Variants in RGS6 observed in about 807,000 individuals in gnomAD.
The protein encoded by RGS6 is regulator of G protein signaling 6.
In RGS6, 30 loss-of-function variants were observed where a neutral mutation model predicts 78.5. The ratio of observed to expected loss-of-function variants is 0.38; its 90% confidence interval spans 0.29 to 0.52. RGS6 has a LOEUF of 0.52. Ranked by LOEUF, RGS6 falls within the 20% of genes least tolerant of loss-of-function variation. The pLI is 0.85. For synonymous variants in RGS6, 206 were observed against 206.0 expected (o/e 1.00, Z 0.00); for missense variants, 495 against 609.7 (o/e 0.81, Z 1.98).
chr14:72,058,474 T>C (rs1343154424), intron 2 of RGS6, among the ~76,000 whole-genome samples: 2 of 152,152 alleles, frequency 1.3e-5, no homozygotes, highest in Non-Finnish European at 2.9e-5. Flanking sequence ...ATTTATTCTT[T>C]ATAACAGCTT....
At chr14:72,073,031 T>C (rs543550457) in intron 2 of RGS6, among the ~76,000 whole-genome samples, 14 of 152,224 alleles carry the variant, frequency 9.2e-5, no homozygotes, top group Non-Finnish European at 1.6e-4. Context: ...GATTACTCGA[T>C]AGTCATTGAT....
intron 2 of RGS6, among the ~76,000 whole-genome samples, chr14:72,132,017 G>A (rs190489334): frequency 1.7e-3 from 259 of 152,242 alleles, no homozygotes; most frequent in African/African-American, 6.2e-3. Flanking sequence ...TCTCCTTTAA[G>A]ATTAGTCATT....
intron 2 of RGS6, among the ~76,000 whole-genome samples, chr14:72,093,428 A>G (rs942288168): frequency 5.3e-5 from 8 of 152,074 alleles, no homozygotes; most frequent in Non-Finnish European, 1.2e-4. Context: ...AAAATTTTCT[A>G]CATATGAGGT....
intron 6 of RGS6, among the ~76,000 whole-genome samples, chr14:72,463,657 G>A (rs947436527): frequency 6.6e-6 from 1 of 152,174 alleles, no homozygotes; most frequent in Non-Finnish European, 1.5e-5. Flanking sequence ...TTTACATTTG[G>A]CCAGTGCAAA....
intron 3 of RGS6, among the ~76,000 whole-genome samples, chr14:72,428,064 T>C (rs1169689351): frequency 6.6e-6 from 1 of 152,146 alleles, no homozygotes; most frequent in East Asian, 1.9e-4. Context: ...AAAGGGATCC[T>C]TAGCTTAGGC....
At chr14:72,451,439 A>G (rs1419091384) in intron 3 of RGS6, among the ~76,000 whole-genome samples, 13 of 152,234 alleles carry the variant, frequency 8.5e-5, no homozygotes, top group African/African-American at 2.9e-4. Flanking sequence ...AAGGCTGAGC[A>G]CAGGAAGCCA....
the RGS6 span, among the ~76,000 whole-genome samples, chr14:71,911,671 A>G: frequency 3.3e-5 from 5 of 152,214 alleles, no homozygotes; most frequent in Admixed American, 6.5e-5. Flanking sequence ...TACCATCCAG[A>G]CCAAAGACTC....
At chr14:72,567,401 C>T (rs995106315), downstream of RGS6, among the ~76,000 whole-genome samples, 1 of 152,216 alleles carries the variant, frequency 6.6e-6, no homozygotes, top group Non-Finnish European at 1.5e-5. Flanking sequence ...TCAGCTGGAC[C>T]ATCTGGCTTA....
chr14:72,060,982 A>T (rs964289743), intron 2 of RGS6, among the ~76,000 whole-genome samples: 6 of 152,160 alleles, frequency 3.9e-5, no homozygotes, highest in Non-Finnish European at 8.8e-5. Flanking sequence ...AGAAGTTATT[A>T]TTCAAGACCT....
At chr14:72,308,686 C>T (rs987898926) in intron 2 of RGS6, among the ~76,000 whole-genome samples, 2 of 152,226 alleles carry the variant, frequency 1.3e-5, no homozygotes, top group Non-Finnish European at 2.9e-5. Context: ...GATTCTCATA[C>T]AGAGCACTTG....
intron 2 of RGS6, among the ~76,000 whole-genome samples, chr14:72,217,492 T>C (rs987793049): frequency 6.6e-6 from 1 of 152,152 alleles, no homozygotes; most frequent in African/African-American, 2.4e-5. Context: ...TGGAGTGGGC[T>C]CAAAGAATCT....
rs543343656 is a variant in RGS6, at chr14:72,340,967, C to G, written c.85-11128C>G. ...TGGTCCTAAGTAGAGGTATGTGGCT[C>G]TCGTGACTGGAGCAGAGGGAGAAAG... On this transcript the variant is annotated intron_variant, in intron 2 of 17. Transcript: ENST00000553525. Among the ~76,000 whole-genome samples, 109 of 152,160 alleles carry G rather than the reference C, an allele frequency of 7.2e-4. No homozygotes were observed. The South Asian group carries it at 8.7e-3, about 12-fold the overall frequency.
At chr14:72,092,174 C>T (rs146524102) in intron 2 of RGS6, among the ~76,000 whole-genome samples, 6,077 of 148,708 alleles carry the variant, frequency 0.041, 168 homozygotes, top group East Asian at 0.085. Context: ...TACAGGTGCA[C>T]GCCACCACAC....
At chr14:72,214,189 T>C (rs1303695738) in intron 2 of RGS6, among the ~76,000 whole-genome samples, 2 of 151,544 alleles carry the variant, frequency 1.3e-5, no homozygotes, top group Non-Finnish European at 2.9e-5. Context: ...TTTTTTTTTT[T>C]TTTTTCACTG....
chr14:72,364,636 G>T (rs778942701), intron 3 of RGS6, among the ~76,000 whole-genome samples: 2 of 152,178 alleles, frequency 1.3e-5, no homozygotes, highest in Non-Finnish European at 2.9e-5. Context: ...AAGTAAAGAT[G>T]AAAGAATAAT....
chr14:72,240,698 C>T (rs1023732031), intron 2 of RGS6, among the ~76,000 whole-genome samples: 4 of 151,944 alleles, frequency 2.6e-5, no homozygotes, highest in East Asian at 1.9e-4. Flanking sequence ...TTTTTATTTC[C>T]GGTACTAGGT....
Position 72,091,550 on chromosome 14 carries a change from C to G in RGS6, c.84+126675C>G, listed in dbSNP as rs184738909. On this transcript the variant is annotated intron_variant, in intron 2 of 17. Coordinates refer to ENST00000553525, the MANE Select transcript of RGS6 (RefSeq NM_001204424.2). ...TCATCTGAGGTTGACTTTGAGAAGG[C>G]AATCCCTTTTAAATATATTGGAATC... is the stretch of plus-strand genomic sequence containing the variant. 9.8e-5 allele frequency among the ~76,000 whole-genome samples: 15 copies of G among 152,300 alleles called. No homozygotes were observed. The East Asian group carries it at 2.9e-3, about 29-fold the overall frequency.
intron 1 of RGS6, among the ~76,000 whole-genome samples, chr14:71,955,810 C>T (rs1352246029): frequency 1.4e-5 from 2 of 139,786 alleles, no homozygotes; most frequent in Non-Finnish European, 3.1e-5. Flanking sequence ...TCTGGGAATG[C>T]AGCCCAGTAG....
chr14:72,044,505 C>T (rs1220000550), intron 2 of RGS6, among the ~76,000 whole-genome samples: 1 of 152,078 alleles, frequency 6.6e-6, no homozygotes, highest in Non-Finnish European at 1.5e-5. Flanking sequence ...CCTCCCTCTC[C>T]CTCTCCTTTT....
Sources: gnomAD v4.1 joint callset for allele counts (sites outside exome capture counted in the v4.1 genomes callset) on GRCh38, gnomAD v4.1.1 for gene constraint, MANE v1.5 for transcripts, NCBI Gene and HGNC (gene_info 2026-07-23, HGNC 2026-07-21) for gene names.